PLCH2: variants seen among roughly 807,000 people sequenced by gnomAD.
PLCH2 encodes 1-phosphatidylinositol 4,5-bisphosphate phosphodiesterase eta-2.
In PLCH2, 98 loss-of-function variants were observed where a neutral mutation model predicts 134.7. That is an observed-to-expected ratio of 0.73 (90% confidence interval 0.62 to 0.86). The LOEUF (loss-of-function observed/expected upper bound fraction) is 0.86, where lower values mean the gene tolerates loss of function less well. PLCH2 is among the 40% of genes least tolerant of loss of function. The pLI is 0.00. For synonymous variants in PLCH2, 974 were observed against 827.5 expected, an observed-to-expected ratio of 1.18 and a Z score of -3.04; for missense variants, 1,994 against 1,986.6, an observed-to-expected ratio of 1.00 and a Z score of -0.07.
chr1:2,504,325 C>T lies in PLCH2; in HGVS notation c.3363C>T (p.Tyr1121=), dbSNP rs765346083. ...LAAPFPAPAV[Y]SDATGSDPLW... is the part of the protein sequence containing the mutation. ...CTCCCTTTCCAGCTCCTGCCGTGTA[C>T]TCCGATGCCACGGGCAGTGACCCGC... Residue 1121 remains tyrosine, a synonymous_variant, in exon 22 of 22, where the codon TAC becomes TAT. Coordinates refer to ENST00000378486, the MANE Select transcript of PLCH2 (RefSeq NM_014638.4). 6.2e-7 allele frequency: 1 copy of T among 1,609,708 alleles called. No homozygotes were observed. The highest frequency in any genetic ancestry group is 8.5e-7 in the Non-Finnish European group (1 of 1,178,976).
chr1:2,432,527 T>G (rs1386986406), intron 2 of PLCH2, among the ~76,000 whole-genome samples: 2 of 152,086 alleles, frequency 1.3e-5, no homozygotes. Context: ...GGCTAACGGG[T>G]GGGGGAGAAT....
chr1:2,455,024 C>T (rs980321809), intron 2 of PLCH2, among the ~76,000 whole-genome samples: 1 of 152,154 alleles, frequency 6.6e-6, no homozygotes, highest in African/African-American at 2.4e-5. Context: ...CCCAGCTGTG[C>T]TCTGACCCCC....
chr1:2,439,046 C>T lies in PLCH2; in HGVS notation c.115+8417C>T, dbSNP rs1205083098. Among the ~76,000 whole-genome samples, 2 of 152,354 alleles carry T rather than the reference C, an allele frequency of 1.3e-5. No homozygotes were observed. Among genetic ancestry groups the T allele is most frequent in the South Asian group, 2.1e-4 (1 of 4,828 alleles). ...CGCCCTCCCAGCCCTGACCCAGCTC[C>T]CAGGGTCCCTGTCTTGCTAGACCTG... On this transcript the variant is annotated intron_variant, in intron 2 of 3. Transcript: ENST00000609981. The surrounding 1 kb of genome is among the most constrained non-coding windows in gnomAD (Gnocchi z 4.7).
rs769582457 is a variant in PLCH2, at chr1:2,504,226, G to A, written c.3264G>A (p.Leu1088=). ...GCCAGCCCCGGACCCTGGGCCACCT[G>A]CCCGTGATTAGAAGGGTGAAGAGTG... is the stretch of plus-strand genomic sequence containing the variant. ...GRSQPRTLGH[L]PVIRRVKSEG... Residue 1088 remains leucine (L), a synonymous_variant, in exon 22 of 22, where the codon CTG becomes CTA. Transcript: ENST00000378486. The A allele has an allele frequency of 1.2e-5, 19 of 1,569,274 alleles. No individual in the cohort carries two copies. Among genetic ancestry groups the A allele is most frequent in the African/African-American group, 5.4e-5 (4 of 73,650 alleles).
At chr1:2,441,501 C>T (rs74049259) in intron 2 of PLCH2, among the ~76,000 whole-genome samples, 9,581 of 152,246 alleles carry the variant, frequency 0.063, 317 homozygotes, top group Middle Eastern at 0.095. Context: ...TTCTGAGCAT[C>T]GACTGGCACG....
chr1:2,427,829 A>G (rs1283051185), intron 1 of PLCH2, among the ~76,000 whole-genome samples: 1 of 151,942 alleles, frequency 6.6e-6, no homozygotes, highest in Non-Finnish European at 1.5e-5. Context: ...GGAGCCCTCC[A>G]GGGGTGGGAG....
chr1:2,420,524 C>A, the PLCH2 span, among the ~76,000 whole-genome samples: 5 of 152,242 alleles, frequency 3.3e-5, no homozygotes, highest in Admixed American at 3.3e-4. Context: ...TGGGGAGTCC[C>A]GGAGCTGGAC....
chr1:2,474,613 A>AAGGG (rs990672250), upstream of PLCH2, among the ~76,000 whole-genome samples: 1 of 152,046 alleles, frequency 6.6e-6, no homozygotes, highest in Non-Finnish European at 1.5e-5. Flanking sequence ...CTGAGAGCTC[A>AAGGG]AGGGAGGGAG....
intron 1 of PLCH2, among the ~76,000 whole-genome samples, chr1:2,428,907 G>C (rs1638934265): frequency 6.6e-6 from 1 of 152,256 alleles, no homozygotes; most frequent in Admixed American, 6.5e-5. Context: ...GGTGAGGAGG[G>C]AGGCCTCTGG....
At position 2,496,641 on chromosome 1, in the gene PLCH2, C is replaced by T. The variant is rs770436008; in HGVS notation, c.1870C>T (p.Arg624Trp). The stretch of plus-strand genomic sequence containing the variant: ...GCAGAAGAAGACCATGAAGCTGTCC[C>T]GGGCCCTCTCTGACCTGGTGAAGTA... ...TRQKKTMKLS[R>W]ALSDLVKYTK... The change falls in exon 14 of 22, where the codon CGG becomes TGG. Residue 624 changes from arginine to tryptophan, a missense_variant. By Grantham distance (101) the Arg-to-Trp change is moderately radical. This residue lies in a region of PLCH2 where 1,094 missense variants were observed against 1,234.3 expected (regional missense o/e 0.89). Coordinates refer to ENST00000378486, the MANE Select transcript of PLCH2 (RefSeq NM_014638.4). The T allele has an allele frequency of 1.9e-5, 30 of 1,611,994 alleles. No homozygotes were observed. The highest frequency in any genetic ancestry group is 1.3e-4 in the Admixed American group (8 of 59,904).
chr1:2,481,047 TAC>T (rs961846988), intron 4 of PLCH2, among the ~76,000 whole-genome samples: 1 of 152,214 alleles, frequency 6.6e-6, no homozygotes, highest in Admixed American at 6.5e-5. Flanking sequence ...CGTGCATAAA[TAC>T]ACGCACACAC....
intron 2 of PLCH2, among the ~76,000 whole-genome samples, chr1:2,453,192 A>G (rs951748190): frequency 2.0e-5 from 3 of 152,062 alleles, no homozygotes; most frequent in Non-Finnish European, 4.4e-5. Context: ...ACAATTTGCC[A>G]AAACGCAAGT....
chr1:2,426,576 C>T (rs565514002), intron 1 of PLCH2, among the ~76,000 whole-genome samples: 9 of 152,392 alleles, frequency 5.9e-5, no homozygotes, highest in Middle Eastern at 3.4e-3. Flanking sequence ...TAGGGCTGGC[C>T]CCTCGCGGTC....
intron 21 of PLCH2, chr1:2,502,988 G>T: frequency 1.4e-6 from 1 of 716,608 alleles, no homozygotes; most frequent in South Asian, 1.5e-5. Context: ...TGCTGCTTCT[G>T]CGTGGACGGT....
At chr1:2,457,220 A>T (rs929934215) in intron 2 of PLCH2, among the ~76,000 whole-genome samples, 10 of 152,096 alleles carry the variant, frequency 6.6e-5, no homozygotes, top group Non-Finnish European at 1.5e-4. Context: ...TCCGTCCATC[A>T]GCAAGGACAG....
chr1:2,435,784 G>C (rs1334839741), intron 2 of PLCH2, among the ~76,000 whole-genome samples: 2 of 151,248 alleles, frequency 1.3e-5, no homozygotes, highest in East Asian at 3.9e-4. Flanking sequence ...CCCTGCGATG[G>C]GAGGCTCAGC....
chr1:2,484,693 C>G (rs565850376), intron 5 of PLCH2, 75 bp downstream of exon 5: 256 of 1,518,034 alleles, frequency 1.7e-4, no homozygotes, highest in Middle Eastern at 7.8e-4. Flanking sequence ...GAGCTTCAGT[C>G]AGGGGACAGT....
chr1:2,459,458 TGGTGGTTCTCC>T (rs1640677209), intron 2 of PLCH2, among the ~76,000 whole-genome samples: 1 of 50,142 alleles, frequency 2.0e-5, no homozygotes, highest in Non-Finnish European at 3.9e-5. Flanking sequence ...TCCTCCTTCC[TGGTGGTTCTCC>T]TTCCTGGTGG....
chr1:2,498,925 C>T lies in PLCH2; in HGVS notation c.2434+97C>T. 7.5e-7 allele frequency: 1 copy of T among 1,334,948 alleles called. No individual in the cohort carries two copies. The highest frequency in any genetic ancestry group is 1.0e-6 in the Non-Finnish European group (1 of 954,358). The allele number at this position is 1,334,948 out of a possible 1,614,324, so 82.7% of individuals were successfully genotyped here. ...TGCCCGGGTGCCCTGCCCAGGCCTC[C>T]CTCAGTGACAGTCCTGGGCGCCCTC... On this transcript the variant is annotated intron_variant, in intron 18 of 21. Transcript: ENST00000378486. This position sits in a 1 kb window ranked among gnomAD's most constrained non-coding sequence, Gnocchi z 5.4.
Sources: allele counts gnomAD v4.1 joint callset (sites outside exome capture counted in the v4.1 genomes callset), GRCh38; gene constraint gnomAD v4.1.1; regional missense constraint gnomAD v4.1.1; non-coding constraint Gnocchi (gnomAD v3.1); transcripts MANE v1.5; gene names NCBI Gene and HGNC (gene_info 2026-07-23, HGNC 2026-07-21).